The following DACH2 variants were observed in gnomAD, a reference collection of about 807,000 sequenced individuals.
DACH2 encodes the protein dachshund family transcription factor 2, also known as dachshund homolog 2.
Under a neutral mutation model 35.8 loss-of-function variants are expected in DACH2, and 17 were observed. The ratio of observed to expected loss-of-function variants is 0.48; its 90% confidence interval spans 0.33 to 0.71. DACH2 has a LOEUF of 0.71. Ranked by LOEUF, DACH2 falls within the 30% of genes least tolerant of loss-of-function variation. The pLI is 0.02. For synonymous variants in DACH2, 195 were observed against 177.3 expected (o/e 1.10, Z -0.79); for missense variants, 469 against 472.7 (o/e 0.99, Z 0.07).
intron 3 of DACH2, among the ~76,000 whole-genome samples, chrX:86,631,022 C>A (rs1445293229): frequency 1.8e-5 from 2 of 112,093 alleles, no homozygotes; most frequent in Non-Finnish European, 3.8e-5. Flanking sequence ...GTGCTCACAT[C>A]ACATTCACTG....
At chrX:86,514,177 T>C in intron 2 of DACH2, 102 bp from the exon 3 acceptor site, 1 of 724,360 alleles carries the variant, frequency 1.4e-6, no homozygotes, top group Non-Finnish European at 2.1e-6. Flanking sequence ...TCTATCACTT[T>C]TGGCAATTAA....
chrX:86,654,499 C>G (rs2040519269), intron 4 of DACH2, among the ~76,000 whole-genome samples: 1 of 110,908 alleles, frequency 9.0e-6, no homozygotes, highest in African/African-American at 3.3e-5. Context: ...GAGAATTGCT[C>G]TTCAACCAGT....
chrX:86,420,745 C>T (rs747128329), intron 2 of DACH2, among the ~76,000 whole-genome samples: 3 of 110,963 alleles, frequency 2.7e-5, no homozygotes, highest in African/African-American at 9.8e-5. Flanking sequence ...TTAAAGAACA[C>T]AAGAAATTGT....
At chrX:86,336,498 T>A (rs1470332694) in intron 1 of DACH2, among the ~76,000 whole-genome samples, 1 of 111,326 alleles carries the variant, frequency 9.0e-6, no homozygotes, top group Non-Finnish European at 1.9e-5. Context: ...CTGCAGCAGA[T>A]GGGCCTGACT....
At chrX:86,807,399 T>C (rs1364418914) in intron 7 of DACH2, among the ~76,000 whole-genome samples, 2 of 111,522 alleles carry the variant, frequency 1.8e-5, no homozygotes, top group Non-Finnish European at 3.8e-5. Flanking sequence ...TATCCTAACT[T>C]TATAGATAAA....
At chrX:86,436,327 A>G (rs2037066631) in intron 2 of DACH2, among the ~76,000 whole-genome samples, 1 of 109,323 alleles carries the variant, frequency 9.1e-6, no homozygotes, top group Non-Finnish European at 1.9e-5. Flanking sequence ...GTGGAACTGA[A>G]ACCAGGCACA....
Position 86,287,520 on chromosome X carries a change from T to C in DACH2, c.489-89304T>C, listed in dbSNP as rs764638260. Reference sequence around the variant, plus strand: ...GCCTGCTCTTTATGGCCGGTAACTCTTATATTTGCTCTTTTGAGTCTATAT... The same window carrying C: ...GCCTGCTCTTTATGGCCGGTAACTCCTATATTTGCTCTTTTGAGTCTATAT... On this transcript the variant is annotated intron_variant, in intron 1 of 11. Coordinates refer to ENST00000373125, the MANE Select transcript of DACH2 (RefSeq NM_053281.3). Among the ~76,000 whole-genome samples, 3 of 111,706 alleles carry C rather than the reference T, an allele frequency of 2.7e-5. No individual in the cohort carries two copies. In the East Asian group the frequency reaches 8.5e-4, roughly 32 times the overall value.
chrX:86,590,850 C>T (rs1373700642), intron 3 of DACH2, among the ~76,000 whole-genome samples: 2 of 110,542 alleles, frequency 1.8e-5, no homozygotes, highest in Admixed American at 1.9e-4. Context: ...TTTTAGGGTA[C>T]ATGTGCACAA....
intron 2 of DACH2, among the ~76,000 whole-genome samples, chrX:86,414,177 G>A (rs1032876411): frequency 9.0e-6 from 1 of 111,363 alleles, no homozygotes; most frequent in Non-Finnish European, 1.9e-5. Context: ...ATTGTTTGAG[G>A]GGCCGTGATT....
At chrX:86,321,301 A>G (rs1175521854) in intron 1 of DACH2, among the ~76,000 whole-genome samples, 1 of 111,716 alleles carries the variant, frequency 9.0e-6, no homozygotes, top group African/African-American at 3.3e-5. Context: ...AAGAATTTTA[A>G]AAAGGGCCTG....
chrX:86,681,828 T>C (rs1395127863), intron 4 of DACH2, among the ~76,000 whole-genome samples: 1 of 109,626 alleles, frequency 9.1e-6, no homozygotes, highest in Non-Finnish European at 1.9e-5. Context: ...ACTTAAATCA[T>C]TGTTTTCAAT....
intron 7 of DACH2, among the ~76,000 whole-genome samples, chrX:86,763,950 A>C (rs2041908252): frequency 8.9e-6 from 1 of 111,942 alleles, no homozygotes; most frequent in African/African-American, 3.2e-5. Context: ...CCAAAATGCT[A>C]ACAGTAAATA....
intron 1 of DACH2, among the ~76,000 whole-genome samples, chrX:86,224,252 G>GT (rs2032775026): frequency 9.0e-6 from 1 of 111,364 alleles, no homozygotes; most frequent in Admixed American, 9.6e-5. Context: ...AAGAGCATGT[G>GT]TTTTTGTGAA....
At chrX:86,343,675 G>T (rs767924988) in intron 1 of DACH2, among the ~76,000 whole-genome samples, 1 of 111,690 alleles carries the variant, frequency 9.0e-6, no homozygotes, top group Non-Finnish European at 1.9e-5. Context: ...GACTTTAAGG[G>T]TAAGGTCTTT....
At chrX:86,263,066 A>G in intron 1 of DACH2, 1 of 625,096 alleles carries the variant, frequency 1.6e-6, no homozygotes, top group Non-Finnish European at 1.9e-6. Context: ...AAAGGAGAAA[A>G]AAGCATCATA....
At chrX:86,806,684 G>T (rs891238158) in intron 7 of DACH2, among the ~76,000 whole-genome samples, 5 of 112,140 alleles carry the variant, frequency 4.5e-5, no homozygotes, top group African/African-American at 1.6e-4. Flanking sequence ...GTCACATTAT[G>T]TCAGGTGTGG....
chrX:86,320,453 G>T (rs1196687014), intron 1 of DACH2, among the ~76,000 whole-genome samples: 1 of 112,144 alleles, frequency 8.9e-6, no homozygotes, highest in African/African-American at 3.2e-5. Flanking sequence ...GGGAGAAAGT[G>T]GCTGGGCTCA....
chrX:86,455,810 C>T (rs2037464895), intron 2 of DACH2, among the ~76,000 whole-genome samples: 1 of 112,319 alleles, frequency 8.9e-6, no homozygotes, highest in African/African-American at 3.2e-5. Flanking sequence ...CAGAACAATG[C>T]TGCTTGGCTC....
intron 4 of DACH2, among the ~76,000 whole-genome samples, chrX:86,681,472 C>T (rs762297826): frequency 2.8e-5 from 3 of 108,558 alleles, no homozygotes; most frequent in South Asian, 4.1e-4. Context: ...GCTAGCTATT[C>T]GGGAGGCTGA....
Sources: allele counts gnomAD v4.1 joint callset (sites outside exome capture counted in the v4.1 genomes callset), GRCh38; gene constraint gnomAD v4.1.1; transcripts MANE v1.5; gene names NCBI Gene and HGNC (gene_info 2026-07-23, HGNC 2026-07-21).